INPP4A: variants seen among roughly 807,000 people sequenced by gnomAD.
INPP4A encodes inositol polyphosphate-4-phosphatase, type I, 107kD.
A neutral mutation model predicts 119.8 loss-of-function variants in INPP4A; 33 were observed. The observed-to-expected ratio is 0.28, with a 90% CI of 0.21 to 0.37. INPP4A has a LOEUF of 0.37. Ranked by LOEUF, INPP4A falls within the 10% of genes least tolerant of loss-of-function variation. INPP4A has a pLI of 1.00. For synonymous variants in INPP4A, 496 were observed against 500.7 expected, an observed-to-expected ratio of 0.99 and a Z score of 0.12; for missense variants, 956 against 1,289.9, an observed-to-expected ratio of 0.74 and a Z score of 3.97.
intron 22 of INPP4A, among the ~76,000 whole-genome samples, chr2:98,571,096 T>G (rs1338684118): frequency 6.6e-6 from 1 of 152,194 alleles, no homozygotes; most frequent in Non-Finnish European, 1.5e-5. Context: ...ACGTCAGAAC[T>G]GTTAAGAAGG....
rs1308239468 is a variant in INPP4A, at chr2:98,591,012, T to G, written c.*3404T>G. On this transcript the variant is annotated 3_prime_UTR_variant, in exon 25 of 25. Coordinates refer to ENST00000409851, the MANE Select transcript of INPP4A (RefSeq NM_001134225.2). ...TATTTCATATAGATTGTTTTTAATA[T>G]ACAATGTATTAGCCCCTGTCATATG... is the stretch of plus-strand genomic sequence containing the variant. 8.8e-6 allele frequency: 2 copies of G among 228,072 alleles called. No individual in the cohort carries two copies. The highest frequency in any genetic ancestry group is 6.3e-5 in the East Asian group (1 of 15,804). 14.1% of individuals were successfully genotyped at this position (228,072 alleles called of 1,614,324 possible).
At chr2:98,510,237 A>C (rs1684873139) in intron 1 of INPP4A, among the ~76,000 whole-genome samples, 1 of 152,110 alleles carries the variant, frequency 6.6e-6, no homozygotes, top group African/African-American at 2.4e-5. Flanking sequence ...ATGTGAGAGG[A>C]GGAGGAGGCC....
At chr2:98,504,675 A>G (rs909247341) in intron 1 of INPP4A, among the ~76,000 whole-genome samples, 9 of 152,170 alleles carry the variant, frequency 5.9e-5, no homozygotes, top group Non-Finnish European at 1.2e-4. Flanking sequence ...TTTTGTTGCT[A>G]CTCAGAAAAT....
chr2:98,587,447 G>T, intron 24 of INPP4A, 29 bp from the exon 25 acceptor site: 3 of 1,527,838 alleles, frequency 2.0e-6, no homozygotes, highest in South Asian at 2.6e-5. Flanking sequence ...TTTTACTGCC[G>T]TCATTTCTTG....
At chr2:98,572,663 A>G (rs1250334689) in intron 22 of INPP4A, among the ~76,000 whole-genome samples, 152 bp from the exon 23 acceptor site, 1 of 152,220 alleles carries the variant, frequency 6.6e-6, no homozygotes, top group East Asian at 1.9e-4. Flanking sequence ...ACCAGCAGCC[A>G]TGTCCTATCC....
At chr2:98,533,617 T>C (rs1328886143) in intron 5 of INPP4A, 122 bp downstream of exon 5, 2 of 658,176 alleles carry the variant, frequency 3.0e-6, no homozygotes, top group Admixed American at 4.8e-5. Context: ...TTGTTGCTAT[T>C]TTCCCATGGG....
At chr2:98,537,613 C>T (rs1007971737) in intron 7 of INPP4A, among the ~76,000 whole-genome samples, 1 of 152,216 alleles carries the variant, frequency 6.6e-6, no homozygotes, top group Non-Finnish European at 1.5e-5. Flanking sequence ...CCTCTGACTT[C>T]ACCAGCACGT....
chr2:98,588,591 G>C lies in INPP4A; in HGVS notation c.*983G>C, dbSNP rs1222619884. 1.8e-5 allele frequency: 4 copies of C among 223,078 alleles called. No homozygotes were observed. The highest frequency in any genetic ancestry group is 2.7e-5 in the Non-Finnish European group (3 of 111,886). 13.8% of individuals were successfully genotyped at this position (223,078 alleles called of 1,614,324 possible). A position where few individuals can be genotyped will look rare whatever the true frequency, so the allele number is the denominator to read the frequency against. On this transcript the variant is annotated 3_prime_UTR_variant, in exon 25 of 25. Coordinates refer to ENST00000409851, the MANE Select transcript of INPP4A (RefSeq NM_001134225.2). ...ATGAAAGTGTCTTATTTTTAGGTTT[G>C]CAATAATTGTTACTTTCTTATTCTC...
At chr2:98,580,487 G>A (rs188762190) in intron 24 of INPP4A, among the ~76,000 whole-genome samples, 3 of 152,350 alleles carry the variant, frequency 2.0e-5, no homozygotes, top group Admixed American at 2.0e-4. Context: ...GGCCACTGGG[G>A]TGTTCCTGTC....
intron 1 of INPP4A, among the ~76,000 whole-genome samples, chr2:98,493,925 A>G (rs962277762): frequency 6.6e-6 from 1 of 152,198 alleles, no homozygotes; most frequent in Non-Finnish European, 1.5e-5. Context: ...TGCTCAGTGA[A>G]ACAATAACTG....
rs747796892 is a variant in INPP4A, at chr2:98,564,774, C to T, written c.2152+11C>T. The T allele has an allele frequency of 7.6e-6, 12 of 1,572,892 alleles. No individual in the cohort carries two copies. The highest frequency in any genetic ancestry group is 1.7e-4 in the Middle Eastern group (1 of 6,028). On this transcript the variant is annotated intron_variant, in intron 19 of 24. Coordinates refer to ENST00000409851, the MANE Select transcript of INPP4A (RefSeq NM_001134225.2). Reference sequence around the variant, plus strand: ...TGCTGAGCACCTACGGTGAGGCGCCCGGGCCAGGATCGGGAGCCCCACTTG... The same window carrying T: ...TGCTGAGCACCTACGGTGAGGCGCCTGGGCCAGGATCGGGAGCCCCACTTG...
chr2:98,572,225 T>C (rs1697593913), intron 22 of INPP4A, among the ~76,000 whole-genome samples: 1 of 152,192 alleles, frequency 6.6e-6, no homozygotes, highest in African/African-American at 2.4e-5. Context: ...CTTGGTAAGG[T>C]GACCTGATGG....
At chr2:98,494,888 A>T (rs1039857220) in intron 1 of INPP4A, among the ~76,000 whole-genome samples, 2 of 152,222 alleles carry the variant, frequency 1.3e-5, no homozygotes, top group Non-Finnish European at 2.9e-5. Flanking sequence ...GGGTATGAAA[A>T]CACCAGAGGC....
In INPP4A at chr2:98,538,925, C is replaced by T. The variant is rs1465343631; in HGVS notation, c.614C>T (p.Ala205Val). ...CCTGTCGATGAGAGCTTGACGGAGG[C>T]GTTAGGAATCCGATCCAAATACGCT... ...VLPVDESLTEALGIRSKYASL... is the reference protein window; with the variant it reads ...VLPVDESLTEVLGIRSKYASL... Residue 205 changes from alanine to valine, a missense_variant, in exon 9 of 25, where the codon GCG (alanine) becomes GTG (valine). Around this residue, in one of 2 missense-constraint regions of INPP4A, gnomAD observed 652 missense variants for 797.9 expected, o/e 0.82. Transcript: ENST00000409851. The T allele has an allele frequency of 8.1e-6, 13 of 1,610,708 alleles. No individual in the cohort carries two copies. The highest frequency in any genetic ancestry group is 1.1e-5 in the South Asian group (1 of 90,600).
At chr2:98,508,365 A>G (rs1164373089) in intron 1 of INPP4A, among the ~76,000 whole-genome samples, 1 of 152,234 alleles carries the variant, frequency 6.6e-6, no homozygotes, top group East Asian at 1.9e-4. Flanking sequence ...CCTCCACCAT[A>G]GAGGAGCCAG....
At chr2:98,539,749 G>C in intron 10 of INPP4A, 74 bp downstream of exon 10, 1 of 1,454,664 alleles carries the variant, frequency 6.9e-7, no homozygotes, top group Non-Finnish European at 9.3e-7. Context: ...GATATAGCGG[G>C]CAGAGCACTG....
intron 4 of INPP4A, among the ~76,000 whole-genome samples, chr2:98,524,290 C>T (rs571887688): frequency 6.6e-6 from 1 of 152,142 alleles, no homozygotes; most frequent in Non-Finnish European, 1.5e-5. Context: ...TACAGACGAT[C>T]AGGTTGGAGA....
intron 4 of INPP4A, among the ~76,000 whole-genome samples, chr2:98,528,672 T>C (rs1688625127): frequency 6.6e-6 from 1 of 152,168 alleles, no homozygotes; most frequent in Non-Finnish European, 1.5e-5. Flanking sequence ...TGACTTATCA[T>C]GTATAAGGGA....
rs929082327 is a variant in INPP4A at position 98,569,990 on chromosome 2, T to G, written c.2518+1322T>G. 2.0e-5 allele frequency among the ~76,000 whole-genome samples: 3 copies of G among 151,576 alleles called. No homozygotes were observed. In the South Asian group the frequency reaches 6.2e-4, roughly 32 times the overall value. ...AGAGAGGGATGAGGCGTTAGGGGGG[T>G]TTGGGCTGAGGATGCACTCCTCAGC... On this transcript the variant is annotated intron_variant, in intron 22 of 24. Coordinates refer to ENST00000409851, the MANE Select transcript of INPP4A (RefSeq NM_001134225.2). This position sits in a 1 kb window ranked among gnomAD's most constrained non-coding sequence, Gnocchi z 5.1.
Sources: allele counts gnomAD v4.1 joint callset (sites outside exome capture counted in the v4.1 genomes callset), GRCh38; gene constraint gnomAD v4.1.1; regional missense constraint gnomAD v4.1.1; non-coding constraint Gnocchi (gnomAD v3.1); transcripts MANE v1.5; gene names NCBI Gene and HGNC (gene_info 2026-07-23, HGNC 2026-07-21).